The following STX17 variants were observed in gnomAD, a reference collection of about 807,000 sequenced individuals.
STX17 encodes syntaxin-17.
Under a neutral mutation model 35.9 loss-of-function variants are expected in STX17, and 29 were observed. The observed-to-expected ratio is 0.81, with a 90% CI of 0.60 to 1.10. The LOEUF (loss-of-function observed/expected upper bound fraction) is 1.10. STX17 is among the 50% of genes least tolerant of loss of function. The probability of loss-of-function intolerance (pLI) is 0.00; values close to 1 mark genes in which losing one functional copy is unlikely to be tolerated. For synonymous variants in STX17, 92 were observed against 118.3 expected (o/e 0.78, Z 1.44); for missense variants, 312 against 352.3 (o/e 0.89, Z 0.92).
At chr9:99,915,420 T>G (rs1367774025) in intron 2 of STX17, 58 bp downstream of exon 2, 5 of 1,521,308 alleles carry the variant, frequency 3.3e-6, no homozygotes, top group South Asian at 1.3e-5. Context: ...TTATATTGGT[T>G]GTTCATTTCA....
At chr9:99,930,487 T>C (rs1829098727) in intron 3 of STX17, among the ~76,000 whole-genome samples, 1 of 151,988 alleles carries the variant, frequency 6.6e-6, no homozygotes, top group Non-Finnish European at 1.5e-5. Flanking sequence ...CAGGATGATC[T>C]CGATCTCCTG....
intron 3 of STX17, among the ~76,000 whole-genome samples, chr9:99,936,150 T>A (rs1829228660): frequency 6.6e-6 from 1 of 152,230 alleles, no homozygotes; most frequent in Non-Finnish European, 1.5e-5. Context: ...ACTGTTTGGC[T>A]ATTACTAATA....
At chr9:99,928,340 TA>T (rs757580062) in intron 2 of STX17, among the ~76,000 whole-genome samples, 32 of 150,510 alleles carry the variant, frequency 2.1e-4, no homozygotes, top group Non-Finnish European at 1.0e-4. Context: ...GTTTCAGTGT[TA>T]TTTTTTTTAA....
intron 3 of STX17, among the ~76,000 whole-genome samples, chr9:99,940,734 G>A (rs889098480): frequency 6.6e-6 from 1 of 152,146 alleles, no homozygotes; most frequent in Admixed American, 6.5e-5. Context: ...GCCTGACTCA[G>A]CCTCCCAAAG....
chr9:99,967,839 A>G, intron 7 of STX17, 100 bp downstream of exon 7: 2 of 991,678 alleles, frequency 2.0e-6, no homozygotes, highest in African/African-American at 1.6e-5. Context: ...TGAGGGAACC[A>G]GCAATTAAGG....
chr9:99,966,935 T>C (rs1209837818), intron 6 of STX17, among the ~76,000 whole-genome samples: 2 of 152,214 alleles, frequency 1.3e-5, no homozygotes, highest in Non-Finnish European at 2.9e-5. Flanking sequence ...ACATTCCTTC[T>C]ACCCAGAGAT....
intron 3 of STX17, among the ~76,000 whole-genome samples, chr9:99,947,412 A>G (rs1235795003): frequency 6.6e-6 from 1 of 151,910 alleles, no homozygotes; most frequent in Admixed American, 6.6e-5. Context: ...GTCCTTTTGG[A>G]TGTTTCTGTT....
intron 2 of STX17, among the ~76,000 whole-genome samples, chr9:99,917,919 T>G (rs1828807939): frequency 6.6e-6 from 1 of 152,208 alleles, no homozygotes; most frequent in Non-Finnish European, 1.5e-5. Context: ...AATCTCATAG[T>G]AACAGAGGTA....
At chr9:99,946,815 A>C (rs1829492022) in intron 3 of STX17, among the ~76,000 whole-genome samples, 1 of 152,140 alleles carries the variant, frequency 6.6e-6, no homozygotes, top group Non-Finnish European at 1.5e-5. Flanking sequence ...CATTGTCTTT[A>C]GGCTTTCGTT....
chr9:99,951,164 ATCAGC>A lies in STX17; in HGVS notation c.295_299del (p.Ala100AsnfsTer16). ...TGATAGATCCTGTTAAAGAAGAAGC[ATCAGC>A]AGCAACAGCAGAATTTCTCCAACTC... On this transcript the variant is annotated frameshift_variant, in exon 4 of 8. Transcript: ENST00000259400. LOFTEE classifies it high-confidence loss of function. The A allele has an allele frequency of 6.2e-7, 1 of 1,613,182 alleles. No homozygotes were observed. The highest frequency in any genetic ancestry group is 8.5e-7 in the Non-Finnish European group (1 of 1,179,274).
chr9:99,919,926 G>A (rs1173732030), intron 2 of STX17, among the ~76,000 whole-genome samples: 1 of 152,190 alleles, frequency 6.6e-6, no homozygotes, highest in Admixed American at 6.5e-5. Context: ...GAACTATATA[G>A]TATAAAATCA....
chr9:99,967,651 A>G lies in STX17; in HGVS notation c.583-2A>G, dbSNP rs773363527. On this transcript the variant is annotated splice_acceptor_variant, in intron 6 of 7. Coordinates refer to ENST00000259400, the MANE Select transcript of STX17 (RefSeq NM_017919.3). LOFTEE classifies it high-confidence loss of function. ...GCTCACTCATAATTCCTTTGCATCTAGTCTCAGCAGGAGAAGATTGACAGC... is the reference window on the plus strand; with the variant it reads ...GCTCACTCATAATTCCTTTGCATCTGGTCTCAGCAGGAGAAGATTGACAGC... The G allele has an allele frequency of 3.1e-6, 5 of 1,613,720 alleles. No homozygotes were observed. The highest frequency in any genetic ancestry group is 4.2e-6 in the Non-Finnish European group (5 of 1,179,758).
intron 2 of STX17, among the ~76,000 whole-genome samples, chr9:99,917,672 T>A (rs1828802191): frequency 6.6e-6 from 1 of 152,194 alleles, no homozygotes; most frequent in African/African-American, 2.4e-5. Context: ...AAATTTGAAG[T>A]GTTAGCATTC....
rs1031321705 is a variant in STX17 at position 99,906,717 on chromosome 9, C to T, written c.-63+11C>T. ...GCGCCCCGGCGGGAGGTAAGGGGCT[C>T]TCTGGAGGCCGCCTTTGGGGGCGTC... On this transcript the variant is annotated intron_variant, in intron 1 of 7. Transcript: ENST00000259400. The T allele has an allele frequency of 1.3e-5, 2 of 152,082 alleles. No individual in the cohort carries two copies. Among genetic ancestry groups the T allele is most frequent in the Non-Finnish European group, 2.9e-5 (2 of 68,012 alleles). The allele number at this position is 152,082 out of a possible 1,614,324, so 9.4% of individuals were successfully genotyped here. A position where few individuals can be genotyped will look rare whatever the true frequency, so the allele number is the denominator to read the frequency against.
At chr9:99,959,250 A>G (rs1164646491) in intron 4 of STX17, among the ~76,000 whole-genome samples, 1 of 151,442 alleles carries the variant, frequency 6.6e-6, no homozygotes, top group Non-Finnish European at 1.5e-5. Flanking sequence ...GATTAAAAAA[A>G]TATGTGTGTA....
intron 1 of STX17, among the ~76,000 whole-genome samples, chr9:99,909,637 A>T (rs1828620200): frequency 6.6e-6 from 1 of 152,228 alleles, no homozygotes; most frequent in Non-Finnish European, 1.5e-5. Flanking sequence ...ATATGACATG[A>T]ACAGGCAATT....
chr9:99,916,331 G>A (rs938923571), intron 2 of STX17, among the ~76,000 whole-genome samples: 3 of 152,178 alleles, frequency 2.0e-5, no homozygotes, highest in Non-Finnish European at 4.4e-5. Flanking sequence ...GGACAGGCCA[G>A]TGATATTTTT....
intron 1 of STX17, among the ~76,000 whole-genome samples, chr9:99,907,826 T>A (rs1391401828): frequency 1.3e-5 from 2 of 152,154 alleles, no homozygotes; most frequent in Non-Finnish European, 1.5e-5. Flanking sequence ...TTGTGATTTT[T>A]TTTCCTGTAT....
intron 3 of STX17, among the ~76,000 whole-genome samples, chr9:99,941,303 A>G (rs565546183): frequency 2.7e-4 from 41 of 152,332 alleles, no homozygotes; most frequent in Non-Finnish European, 4.3e-4. Flanking sequence ...GAAACTTTAC[A>G]GTTCAGTTGA....
Sources: gnomAD v4.1 joint callset for allele counts (sites outside exome capture counted in the v4.1 genomes callset) on GRCh38, gnomAD v4.1.1 for gene constraint, MANE v1.5 for transcripts, NCBI Gene and HGNC (gene_info 2026-07-23, HGNC 2026-07-21) for gene names.